Variants in PTPRA observed in about 807,000 individuals in gnomAD.
PTPRA encodes the protein protein tyrosine phosphatase receptor type A.
Under a neutral mutation model 104.8 loss-of-function variants are expected in PTPRA, and 25 were observed. The observed-to-expected ratio is 0.24, with a 90% CI of 0.17 to 0.33. PTPRA has a LOEUF of 0.33. Among genes scored for constraint, PTPRA ranks in the 10% least tolerant of loss-of-function variants. The pLI is 1.00. For synonymous variants in PTPRA, 323 were observed against 368.9 expected (o/e 0.88, Z 1.43); for missense variants, 765 against 1,015.3 (o/e 0.75, Z 3.35).
chr20:2,969,581 G>A (rs1048503619), intron 5 of PTPRA, among the ~76,000 whole-genome samples: 5 of 143,378 alleles, frequency 3.5e-5, no homozygotes, highest in Admixed American at 1.4e-4. Flanking sequence ...TAGGCCGGGC[G>A]CGGCGGCTCA....
At position 2,911,997 on chromosome 20, in the gene PTPRA, CT is replaced by C. The variant is rs556540368; in HGVS notation, c.-128-11207del. 7.3e-4 allele frequency among the ~76,000 whole-genome samples: 110 copies of C among 151,476 alleles called. 3 individuals carry two copies. The South Asian group carries it at 0.023, about 31-fold the overall frequency. ...GGGACTCAGGCCTATAATCCCAGTA[CT>C]TTGGGAGGTCATGGTGGGCAGATCA... On this transcript the variant is annotated intron_variant, in intron 1 of 23. Coordinates refer to ENST00000399903, the MANE Select transcript of PTPRA (RefSeq NM_001385305.1).
chr20:2,957,338 G>A (rs1006725129), intron 3 of PTPRA, among the ~76,000 whole-genome samples: 1 of 152,312 alleles, frequency 6.6e-6, no homozygotes, highest in East Asian at 1.9e-4. Context: ...GATCATCAGT[G>A]AGGTTGAGCA....
intron 20 of PTPRA, among the ~76,000 whole-genome samples, chr20:3,034,401 T>TG (rs1201864217): frequency 6.6e-6 from 1 of 152,194 alleles, no homozygotes; most frequent in Non-Finnish European, 1.5e-5. Flanking sequence ...GGGGACCTTA[T>TG]GGTTCTGATG....
At chr20:2,880,908 C>T (rs1175774083) in intron 1 of PTPRA, among the ~76,000 whole-genome samples, 1 of 151,902 alleles carries the variant, frequency 6.6e-6, no homozygotes, top group African/African-American at 2.4e-5. Context: ...ACTTGGGAGG[C>T]TGAGGCAGAG....
At position 2,948,041 on chromosome 20, in the gene PTPRA, T is replaced by A. The variant is rs1369478076; in HGVS notation, c.-7+17T>A. On this transcript the variant is annotated intron_variant, in intron 3 of 23. Transcript: ENST00000399903. ...AAGAAGCTAGTAAGTACTGAAATAG[T>A]TTTTTAAGTTTTTTCTACAAGAATA... is the stretch of plus-strand genomic sequence containing the variant. 1 of 1,042,180 alleles carries A rather than the reference T, an allele frequency of 9.6e-7. No individual in the cohort carries two copies. The highest frequency in any genetic ancestry group is 1.4e-5 in the South Asian group (1 of 72,984). 64.6% of individuals were successfully genotyped at this position (1,042,180 alleles called of 1,614,324 possible).
chr20:2,888,413 G>A (rs946049480), intron 1 of PTPRA, among the ~76,000 whole-genome samples: 2 of 151,908 alleles, frequency 1.3e-5, no homozygotes, highest in East Asian at 3.9e-4. Flanking sequence ...ATAAAAGCTA[G>A]CCAGGTGTAA....
chr20:2,889,586 A>G (rs1383539276), intron 1 of PTPRA, among the ~76,000 whole-genome samples: 2 of 152,248 alleles, frequency 1.3e-5, no homozygotes, highest in Non-Finnish European at 2.9e-5. Flanking sequence ...TACTAGTACC[A>G]TGAGTTTGAT....
intron 2 of PTPRA, among the ~76,000 whole-genome samples, chr20:2,930,358 G>A (rs952917046): frequency 1.3e-5 from 2 of 152,202 alleles, no homozygotes; most frequent in Non-Finnish European, 2.9e-5. Flanking sequence ...GAAAAGCTCA[G>A]TAGTGTAAGA....
intron 20 of PTPRA, among the ~76,000 whole-genome samples, chr20:3,030,276 C>T (rs563859989): frequency 8.5e-5 from 13 of 152,218 alleles, no homozygotes; most frequent in South Asian, 4.2e-4. Flanking sequence ...AAGAGTCGTG[C>T]GCACACAAAT....
At position 2,873,703 on chromosome 20, in the gene PTPRA, G is replaced by T. The variant is rs1472767948; in HGVS notation, c.-186G>T. 1 of 151,334 alleles carries T rather than the reference G, an allele frequency of 6.6e-6. No individual in the cohort carries two copies. Among genetic ancestry groups the T allele is most frequent in the African/African-American group, 2.4e-5 (1 of 41,316 alleles). The allele number at this position is 151,334 out of a possible 1,614,324, so 9.4% of individuals were successfully genotyped here. A position where few individuals can be genotyped will look rare whatever the true frequency, so the allele number is the denominator to read the frequency against. The stretch of plus-strand genomic sequence containing the variant: ...TAGTGGCGGCCCGAAACGCCGCCGC[G>T]GAGCCGAGGCGGAGCCGCTGTCCTC... On this transcript the variant is annotated 5_prime_UTR_variant, in exon 1 of 24. Transcript: ENST00000399903. The surrounding 1 kb of genome is among the most constrained non-coding windows in gnomAD (Gnocchi z 4.4).
intron 6 of PTPRA, among the ~76,000 whole-genome samples, chr20:2,980,683 C>A (rs145769172): frequency 2.0e-5 from 3 of 152,296 alleles, no homozygotes; most frequent in East Asian, 1.9e-4. Flanking sequence ...CCCCCTCCCC[C>A]CATCTCTACA....
intron 2 of PTPRA, among the ~76,000 whole-genome samples, chr20:2,939,777 T>G (rs2060837446): frequency 6.6e-6 from 1 of 152,178 alleles, no homozygotes; most frequent in Non-Finnish European, 1.5e-5. Flanking sequence ...TTTCTGTCAC[T>G]TGTGTCATGA....
intron 9 of PTPRA, 104 bp from the exon 10 acceptor site, chr20:3,004,951 CA>C: frequency 2.0e-6 from 2 of 1,011,236 alleles, no homozygotes; most frequent in Non-Finnish European, 3.0e-6. Context: ...TTTTTCCCCC[CA>C]GGAAAAGGTA....
intron 3 of PTPRA, among the ~76,000 whole-genome samples, chr20:2,948,595 C>G (rs2147764685): frequency 6.6e-6 from 1 of 152,274 alleles, no homozygotes; most frequent in East Asian, 1.9e-4. Context: ...GCCCTCAGGA[C>G]TGCTGGGCTG....
In PTPRA at chr20:3,038,656, CT is replaced by C. The variant is rs1305495075; in HGVS notation, c.*526del. 1 of 154,418 alleles carries C rather than the reference CT, an allele frequency of 6.5e-6. No individual in the cohort carries two copies. The highest frequency in any genetic ancestry group is 2.4e-5 in the African/African-American group (1 of 41,444). 9.6% of individuals were successfully genotyped at this position (154,418 alleles called of 1,614,324 possible). A position where few individuals can be genotyped will look rare whatever the true frequency, so the allele number is the denominator to read the frequency against. On this transcript the variant is annotated 3_prime_UTR_variant, in exon 24 of 24. Coordinates refer to ENST00000399903, the MANE Select transcript of PTPRA (RefSeq NM_001385305.1). ...ACTAGGGACTATCAGGTAATAAAAG[CT>C]TTGACTCCCTGAGGAAATGTCTCTC... is the stretch of plus-strand genomic sequence containing the variant.
chr20:2,994,691 T>C (rs1249468598), intron 9 of PTPRA, among the ~76,000 whole-genome samples: 1 of 152,248 alleles, frequency 6.6e-6, no homozygotes, highest in African/African-American at 2.4e-5. Flanking sequence ...CAGGTTTTTC[T>C]GGCTTTTCAT....
chr20:2,904,623 A>G (rs2059354381), intron 1 of PTPRA, among the ~76,000 whole-genome samples: 1 of 148,112 alleles, frequency 6.8e-6, no homozygotes, highest in African/African-American at 2.5e-5. Flanking sequence ...AGCCGAGATC[A>G]CACCACTGCA....
At position 3,021,410 on chromosome 20, in the gene PTPRA, G is replaced by C. The variant is rs767525547; in HGVS notation, c.1143G>C (p.Arg381=). The C allele has an allele frequency of 6.2e-7, 1 of 1,613,988 alleles. No individual in the cohort carries two copies. The highest frequency in any genetic ancestry group is 1.7e-5 in the Admixed American group (1 of 60,006). The change falls in exon 14 of 24, where the codon CGG becomes CGC. Residue 381 remains arginine (R), a synonymous_variant. Coordinates refer to ENST00000399903, the MANE Select transcript of PTPRA (RefSeq NM_001385305.1). ...DVTVLVDYTV[R]KFCIQQVGDM... is the part of the protein sequence containing the mutation. ...CTGTCCTGGTGGACTACACAGTACGGAAGTTCTGCATCCAGCAGGTAGTGT... is the reference window on the plus strand; with the variant it reads ...CTGTCCTGGTGGACTACACAGTACGCAAGTTCTGCATCCAGCAGGTAGTGT...
Position 2,919,101 on chromosome 20 carries a change from G to A in PTPRA, c.-128-4106G>A, listed in dbSNP as rs184360671. Among the ~76,000 whole-genome samples, 201 of 152,102 alleles carry A rather than the reference G, an allele frequency of 1.3e-3. 1 individual carries two copies. Among genetic ancestry groups the A allele is most frequent in the African/African-American group, 4.4e-3 (184 of 41,478 alleles). Reference sequence around the variant, plus strand: ...TTGATGTGTTGATTATATATAATTGGTAATCATCCATTTTACTGACATCTT... The same window carrying A: ...TTGATGTGTTGATTATATATAATTGATAATCATCCATTTTACTGACATCTT... On this transcript the variant is annotated intron_variant, in intron 1 of 23. Transcript: ENST00000399903.
Sources: gnomAD v4.1 joint callset for allele counts (sites outside exome capture counted in the v4.1 genomes callset) on GRCh38, gnomAD v4.1.1 for gene constraint, Gnocchi (gnomAD v3.1) non-coding constraint, MANE v1.5 for transcripts, NCBI Gene and HGNC (gene_info 2026-07-23, HGNC 2026-07-21) for gene names.